ADGRA2: variants seen among roughly 807,000 people sequenced by gnomAD.
ADGRA2 encodes adhesion G protein-coupled receptor A2, also known as G-protein coupled receptor 124.
In ADGRA2, 61 loss-of-function variants were observed where a neutral mutation model predicts 98.7. The observed-to-expected ratio is 0.62, with a 90% confidence interval of 0.50 to 0.76. The LOEUF (loss-of-function observed/expected upper bound fraction) is 0.76. Ranked by LOEUF, ADGRA2 falls within the 30% of genes least tolerant of loss-of-function variation. The pLI is 0.00. For synonymous variants in ADGRA2, 858 were observed against 831.5 expected, an observed-to-expected ratio of 1.03 and a Z score of -0.55; for missense variants, 1,712 against 1,860.0, an observed-to-expected ratio of 0.92 and a Z score of 1.46.
rs148578429 is a variant in ADGRA2 at position 37,821,546 on chromosome 8, C to T, written c.338+6579C>T. Among the ~76,000 whole-genome samples, 79 of 152,330 alleles carry T rather than the reference C, an allele frequency of 5.2e-4. 1 individual carries two copies. The East Asian group carries it at 0.014, about 27-fold the overall frequency. On this transcript the variant is annotated intron_variant, in intron 2 of 18. Coordinates refer to ENST00000412232, the MANE Select transcript of ADGRA2 (RefSeq NM_032777.10). ...GGGACTAGGCCACAGGAAGACTTTT[C>T]TGGGGGGCTCTGAGGGTGTCAGTCA...
intron 1 of ADGRA2, among the ~76,000 whole-genome samples, chr8:37,810,953 A>T (rs540486309): frequency 1.9e-5 from 2 of 105,508 alleles, no homozygotes; most frequent in African/African-American, 1.6e-4. Context: ...CGTCTCTACT[A>T]AAAAAAAAAT....
rs202208678 is a variant in ADGRA2 at position 37,833,913 on chromosome 8, G to A, written c.1447-54G>A. The A allele has an allele frequency of 2.3e-3, 3,620 of 1,605,280 alleles. 5 individuals are homozygous for A. The highest frequency in any genetic ancestry group is 3.0e-3 in the Non-Finnish European group (3,463 of 1,173,252). ...TTGCTCAAGCCTCTCTCTCACTCCA[G>A]CTCCTGGGTCCCAAACCCCGCCCCT... On this transcript the variant is annotated intron_variant, in intron 10 of 18. Coordinates refer to ENST00000412232, the MANE Select transcript of ADGRA2 (RefSeq NM_032777.10).
intron 2 of ADGRA2, among the ~76,000 whole-genome samples, chr8:37,821,226 C>T (rs1004672954): frequency 1.3e-5 from 2 of 152,180 alleles, no homozygotes; most frequent in African/African-American, 2.4e-5. Context: ...TCCAGTGCCT[C>T]TCCCAGCCCT....
At chr8:37,810,834 T>C (rs1411093230) in intron 1 of ADGRA2, among the ~76,000 whole-genome samples, 1 of 151,956 alleles carries the variant, frequency 6.6e-6, no homozygotes, top group Non-Finnish European at 1.5e-5. Context: ...ACTTTTAGGC[T>C]GGGCGCGGTG....
At chr8:37,812,294 G>T (rs1213083115) in intron 1 of ADGRA2, among the ~76,000 whole-genome samples, 1 of 151,988 alleles carries the variant, frequency 6.6e-6, no homozygotes, top group African/African-American at 2.4e-5. Flanking sequence ...TCTGCCCCAC[G>T]CTGGGCAGAG....
chr8:37,828,622 C>T (rs926473133), intron 2 of ADGRA2, among the ~76,000 whole-genome samples: 10 of 150,624 alleles, frequency 6.6e-5, no homozygotes, highest in Admixed American at 1.3e-4. Context: ...TACAGGTGCA[C>T]ACTGCCACAC....
chr8:37,829,032 C>A (rs1489828792), intron 3 of ADGRA2, 73 bp downstream of exon 3: 43 of 1,042,968 alleles, frequency 4.1e-5, no homozygotes, highest in Non-Finnish European at 5.4e-5. Context: ...TGCTCCATGC[C>A]CACCCCCTTC....
rs1348306197 is a variant in ADGRA2, at chr8:37,797,408, CG to C, written c.145del (p.Glu49SerfsTer6). The C allele has an allele frequency of 4.2e-6, 6 of 1,430,468 alleles. No homozygotes were observed. The highest frequency in any genetic ancestry group is 1.5e-5 in the South Asian group (1 of 68,398). The allele number at this position is 1,430,468 out of a possible 1,614,324, so 88.6% of individuals were successfully genotyped here. The stretch of plus-strand genomic sequence containing the variant: ...CTATCCATCCGCAGCTGCAAGTGCT[CG>C]GGGGAGCGGCCCAAGGGGCTGAGCG... ...CPLSIRSCKC[S>X]GERPKGLSGG... is the part of the protein sequence containing the mutation. On this transcript the variant is annotated frameshift_variant, in exon 1 of 19. Transcript: ENST00000412232. LOFTEE classifies it high-confidence loss of function. This position sits in a 1 kb window ranked among gnomAD's most constrained non-coding sequence, Gnocchi z 5.3.
intron 2 of ADGRA2, among the ~76,000 whole-genome samples, chr8:37,824,326 G>A (rs1300940875): frequency 1.3e-5 from 2 of 151,582 alleles, no homozygotes; most frequent in Non-Finnish European, 2.9e-5. Context: ...ATCATGCCCA[G>A]CCTGCCCATT....
Position 37,842,002 on chromosome 8 carries a change from C to G in ADGRA2, c.3664C>G (p.Leu1222Val). The G allele has an allele frequency of 6.6e-7, 1 of 1,516,802 alleles. No homozygotes were observed. The highest frequency in any genetic ancestry group is 8.8e-7 in the Non-Finnish European group (1 of 1,139,818). 94.0% of individuals were successfully genotyped at this position (1,516,802 alleles called of 1,614,324 possible). A position where few individuals can be genotyped will look rare whatever the true frequency, so the allele number is the denominator to read the frequency against. Residue 1222 changes from leucine (L) to valine (V), a missense_variant, in exon 19 of 19, where the codon CTG becomes GTG. Coordinates refer to ENST00000412232, the MANE Select transcript of ADGRA2 (RefSeq NM_032777.10). Reference sequence around the variant, plus strand: ...GCTGCTGTCCAGCGAGAGCGGCAGTCTGCACAACAGCCCCACCGACAGCTA... The same window carrying G: ...GCTGCTGTCCAGCGAGAGCGGCAGTGTGCACAACAGCCCCACCGACAGCTA... Reference protein sequence around the residue: ...LELLSSESGSLHNSPTDSYLG... With the variant: ...LELLSSESGSVHNSPTDSYLG...
chr8:37,812,034 G>A (rs1197225278), intron 1 of ADGRA2, among the ~76,000 whole-genome samples: 2 of 151,640 alleles, frequency 1.3e-5, no homozygotes, highest in South Asian at 2.1e-4. Flanking sequence ...CCCGAGAGGC[G>A]GAGGTTGCAG....
In ADGRA2 at chr8:37,841,025, G is replaced by GCCCCCCCCCCCCCCCCC; in HGVS notation, c.2748-56_2748-55insCCCCCCCCCCCCCCCCC. 1 of 1,411,662 alleles carries GCCCCCCCCCCCCCCCCC rather than the reference G, an allele frequency of 7.1e-7. No individual in the cohort carries two copies. Among genetic ancestry groups the GCCCCCCCCCCCCCCCCC allele is most frequent in the Non-Finnish European group, 9.8e-7 (1 of 1,023,660 alleles). 87.4% of individuals were successfully genotyped at this position (1,411,662 alleles called of 1,614,324 possible). A position where few individuals can be genotyped will look rare whatever the true frequency, so the allele number is the denominator to read the frequency against. Reference sequence around the variant, plus strand: ...ATATCCTGTCTCCCCAACCACCCCGGCCCCCAGCCCCACCCCAGCCATGCC... The same window carrying GCCCCCCCCCCCCCCCCC: ...ATATCCTGTCTCCCCAACCACCCCGGCCCCCCCCCCCCCCCCCCCCCCAGCCCCACCCCAGCCATGCC... On this transcript the variant is annotated intron_variant, in intron 18 of 18. Coordinates refer to ENST00000412232, the MANE Select transcript of ADGRA2 (RefSeq NM_032777.10). The surrounding 1 kb of genome is among the most constrained non-coding windows in gnomAD (Gnocchi z 5.0).
rs1279824873 is a variant in ADGRA2, at chr8:37,830,192, A to C, written c.718+178A>C. 6.6e-6 allele frequency among the ~76,000 whole-genome samples: 1 copy of C among 152,230 alleles called. No homozygotes were observed. The highest frequency in any genetic ancestry group is 1.5e-5 in the Non-Finnish European group (1 of 68,048). On this transcript the variant is annotated intron_variant, in intron 6 of 18. Transcript: ENST00000412232. The surrounding 1 kb of genome is among the most constrained non-coding windows in gnomAD (Gnocchi z 4.8). Reference sequence around the variant, plus strand: ...AGGGAGACCTTATCTTTATGTATAAATCACCATCTGAGAAGTGCTGCCCAG... The same window carrying C: ...AGGGAGACCTTATCTTTATGTATAACTCACCATCTGAGAAGTGCTGCCCAG...
In ADGRA2 at chr8:37,836,620, G is replaced by A. The variant is rs78623390; in HGVS notation, c.2050+850G>A. Among the ~76,000 whole-genome samples the A allele has an allele frequency of 5.3e-3, 802 of 152,110 alleles. 5 individuals carry two copies. Among genetic ancestry groups the A allele is most frequent in the African/African-American group, 0.018 (733 of 41,482 alleles). On this transcript the variant is annotated intron_variant, in intron 13 of 18. Transcript: ENST00000412232. ...TTCCACTGTTACTCCCACCATCCAC[G>A]CTGACACCAGCCCATCTCTGGCCCC...
chr8:37,816,919 G>T (rs1804996099), intron 2 of ADGRA2, among the ~76,000 whole-genome samples: 1 of 126,494 alleles, frequency 7.9e-6, no homozygotes, highest in African/African-American at 3.1e-5. Context: ...GTCTCAAAAA[G>T]AAAGCAAAAC....
chr8:37,815,678 G>A (rs1585976802), intron 2 of ADGRA2, among the ~76,000 whole-genome samples: 2 of 152,366 alleles, frequency 1.3e-5, no homozygotes, highest in African/African-American at 4.8e-5. Flanking sequence ...CTCCTCATGG[G>A]GAGAGTGTTC....
chr8:37,835,509 T>C, intron 12 of ADGRA2, 45 bp from the exon 13 acceptor site: 2 of 1,496,948 alleles, frequency 1.3e-6, no homozygotes, highest in East Asian at 4.5e-5. Context: ...ACATCAGTGC[T>C]CTAGGGGGTC....
rs1346428037 is a variant in ADGRA2 at position 37,831,471 on chromosome 8, G to A, written c.981G>A (p.Glu327=). Reference sequence around the variant, plus strand: ...GCGTGTGGGCCTCAGGCGAGTGGGAGTGCACCGTGTCCATGGCCCAAGGCA... The same window carrying A: ...GCGTGTGGGCCTCAGGCGAGTGGGAATGCACCGTGTCCATGGCCCAAGGCA... ...HIGVWASGEW[E]CTVSMAQGNA... Residue 327 remains glutamate (E), a synonymous_variant, in exon 8 of 19, where the codon GAG becomes GAA. Coordinates refer to ENST00000412232, the MANE Select transcript of ADGRA2 (RefSeq NM_032777.10). The A allele has an allele frequency of 6.2e-7, 1 of 1,613,420 alleles. No homozygotes were observed.
chr8:37,804,977 C>T (rs1229809848), intron 1 of ADGRA2, among the ~76,000 whole-genome samples: 2 of 152,248 alleles, frequency 1.3e-5, no homozygotes, highest in Non-Finnish European at 2.9e-5. Context: ...TTTCCTCTTC[C>T]TCTCTGGCAC....
Sources: allele counts gnomAD v4.1 joint callset (sites outside exome capture counted in the v4.1 genomes callset), GRCh38; gene constraint gnomAD v4.1.1; non-coding constraint Gnocchi (gnomAD v3.1); transcripts MANE v1.5; gene names NCBI Gene and HGNC (gene_info 2026-07-23, HGNC 2026-07-21).